ZDHHC2: variants seen among roughly 807,000 people sequenced by gnomAD.
ZDHHC2 encodes palmitoyltransferase ZDHHC2.
Under a neutral mutation model 55.6 loss-of-function variants are expected in ZDHHC2, and 51 were observed. That is an observed-to-expected ratio of 0.92 (90% CI 0.73 to 1.16). ZDHHC2 has a LOEUF of 1.16. ZDHHC2 is among the 50% of genes most tolerant of loss of function. The pLI is 0.00. For missense variants in ZDHHC2, 491 were observed against 442.4 expected, an observed-to-expected ratio of 1.11 and a Z score of -0.99; for synonymous variants, 199 against 152.9, an observed-to-expected ratio of 1.30 and a Z score of -2.22.
At chr8:17,174,082 T>C (rs1212194444) in intron 1 of ZDHHC2, among the ~76,000 whole-genome samples, 1 of 136,598 alleles carries the variant, frequency 7.3e-6, no homozygotes, top group African/African-American at 2.6e-5. Flanking sequence ...TCTATTCTTT[T>C]TCTTCTTCTT....
At chr8:17,193,434 T>G (rs1806139258) in intron 3 of ZDHHC2, among the ~76,000 whole-genome samples, 1 of 152,176 alleles carries the variant, frequency 6.6e-6, no homozygotes, top group Admixed American at 6.5e-5. Flanking sequence ...GGTGGAGGGG[T>G]GACATGGCAC....
intron 1 of ZDHHC2, among the ~76,000 whole-genome samples, chr8:17,173,868 G>A (rs1804990655): frequency 6.6e-6 from 1 of 151,942 alleles, no homozygotes; most frequent in African/African-American, 2.4e-5. Context: ...TTGGAGAAAG[G>A]GTCTTTAAAG....
chr8:17,195,809 C>G (rs1806278170), intron 4 of ZDHHC2, among the ~76,000 whole-genome samples, 185 bp downstream of exon 4: 1 of 152,196 alleles, frequency 6.6e-6, no homozygotes, highest in African/African-American at 2.4e-5. Flanking sequence ...ACGAATAGCA[C>G]TGTGGCACAG....
rs552687070 is a variant in ZDHHC2 at position 17,201,259 on chromosome 8, C to G, written c.476+2846C>G. Among the ~76,000 whole-genome samples the G allele has an allele frequency of 1.6e-4, 24 of 152,118 alleles. No individual in the cohort carries two copies. The South Asian group carries it at 3.9e-3, about 25-fold the overall frequency. On this transcript the variant is annotated intron_variant, in intron 6 of 12. Coordinates refer to ENST00000262096, the MANE Select transcript of ZDHHC2 (RefSeq NM_016353.5). ...TATGTGTGCATAGCCTATAAACCCC[C>G]TTGTTATTTATTTATTTATTTTTAG...
chr8:17,188,504 A>G (rs1411767932), intron 3 of ZDHHC2, among the ~76,000 whole-genome samples: 2 of 152,120 alleles, frequency 1.3e-5, no homozygotes, highest in East Asian at 3.9e-4. Flanking sequence ...CATGGAAATA[A>G]TATATTTATT....
intron 1 of ZDHHC2, chr8:17,162,969 T>C (rs1223302760): frequency 6.6e-6 from 1 of 152,240 alleles, no homozygotes; most frequent in African/African-American, 2.4e-5. Flanking sequence ...AGAGTAAGAT[T>C]TTAAGCAGCA....
chr8:17,200,618 T>C (rs1450726465), intron 6 of ZDHHC2, among the ~76,000 whole-genome samples: 2 of 152,190 alleles, frequency 1.3e-5, no homozygotes, highest in Non-Finnish European at 2.9e-5. Context: ...CTCACAAAAT[T>C]ACAAAAAGAG....
Position 17,220,535 on chromosome 8 carries a change from A to AT in ZDHHC2, c.*315dup. On this transcript the variant is annotated 3_prime_UTR_variant, in exon 13 of 13. Coordinates refer to ENST00000262096, the MANE Select transcript of ZDHHC2 (RefSeq NM_016353.5). Reference sequence around the variant, plus strand: ...TCCAAGGACCAGTTTTTACCCAAATATATGGGTAGCACAGTTTATCACATA... The same window carrying AT: ...TCCAAGGACCAGTTTTTACCCAAATATTATGGGTAGCACAGTTTATCACATA... 6.6e-6 allele frequency: 1 copy of AT among 152,216 alleles called. No individual in the cohort carries two copies. The highest frequency in any genetic ancestry group is 1.9e-4 in the East Asian group (1 of 5,200). 9.4% of individuals were successfully genotyped at this position (152,216 alleles called of 1,614,324 possible).
intron 6 of ZDHHC2, among the ~76,000 whole-genome samples, chr8:17,203,590 A>G (rs143246473): frequency 6.6e-6 from 1 of 152,142 alleles, no homozygotes; most frequent in African/African-American, 2.4e-5. Flanking sequence ...TTCCCCTTGA[A>G]ACCAACATAA....
intron 1 of ZDHHC2, among the ~76,000 whole-genome samples, chr8:17,172,565 A>G (rs1250422318): frequency 6.6e-6 from 1 of 152,192 alleles, no homozygotes; most frequent in Non-Finnish European, 1.5e-5. Context: ...CAGTTATTTC[A>G]GAGAGTAGAT....
At chr8:17,208,955 C>A (rs1383289986) in intron 8 of ZDHHC2, among the ~76,000 whole-genome samples, 1 of 152,132 alleles carries the variant, frequency 6.6e-6, no homozygotes, top group Non-Finnish European at 1.5e-5. Flanking sequence ...AAGGATCTTG[C>A]AAATGACCAC....
At chr8:17,211,016 A>C (rs1807358972) in intron 10 of ZDHHC2, among the ~76,000 whole-genome samples, 1 of 152,180 alleles carries the variant, frequency 6.6e-6, no homozygotes, top group East Asian at 1.9e-4. Flanking sequence ...CCAGAGTCTT[A>C]GAAATTCATT....
intron 1 of ZDHHC2, 32 bp downstream of exon 1, chr8:17,156,885 C>T (rs1388868601): frequency 2.7e-6 from 4 of 1,475,618 alleles, no homozygotes; most frequent in Admixed American, 2.3e-5. Flanking sequence ...GCGCCCCCAG[C>T]GCAGCGCAGC....
chr8:17,178,085 G>C (rs550946930), intron 1 of ZDHHC2, among the ~76,000 whole-genome samples: 1 of 152,092 alleles, frequency 6.6e-6, no homozygotes, highest in Non-Finnish European at 1.5e-5. Context: ...TGAAGGTGTA[G>C]TAGCACACAA....
chr8:17,220,390 C>T lies in ZDHHC2; in HGVS notation c.*169C>T, dbSNP rs918814491. 1 of 149,860 alleles carries T rather than the reference C, an allele frequency of 6.7e-6. No homozygotes were observed. Among genetic ancestry groups the T allele is most frequent in the Non-Finnish European group, 1.5e-5 (1 of 66,516 alleles). The allele number at this position is 149,860 out of a possible 1,614,324, so 9.3% of individuals were successfully genotyped here. A position where few individuals can be genotyped will look rare whatever the true frequency, so the allele number is the denominator to read the frequency against. On this transcript the variant is annotated 3_prime_UTR_variant, in exon 13 of 13. Transcript: ENST00000262096. ...CTCCAAGCCATTGCTTAAAATATAA[C>T]ATGTTTTGGATCCAATACACACATT...
chr8:17,166,117 T>G (rs1192642916), intron 1 of ZDHHC2, among the ~76,000 whole-genome samples: 1 of 152,156 alleles, frequency 6.6e-6, no homozygotes, highest in Non-Finnish European at 1.5e-5. Context: ...TGCAGGGTGT[T>G]GAGTCCAGAG....
In ZDHHC2 at chr8:17,202,734, T is replaced by TACACAC. The variant is rs61412744; in HGVS notation, c.477-2905_477-2900dup. 5.7e-4 allele frequency among the ~76,000 whole-genome samples: 85 copies of TACACAC among 149,660 alleles called. 1 individual carries two copies. Among genetic ancestry groups the TACACAC allele is most frequent in the African/African-American group, 2.0e-3 (82 of 40,568 alleles). On this transcript the variant is annotated intron_variant, in intron 6 of 12. Transcript: ENST00000262096. ...TATTTCTTCTAGTTATATATATATA[T>TACACAC]ACACACACACACACACACACATATA...
intron 6 of ZDHHC2, among the ~76,000 whole-genome samples, chr8:17,204,557 C>T (rs972917706): frequency 5.3e-5 from 8 of 152,094 alleles, no homozygotes; most frequent in African/African-American, 1.9e-4. Context: ...AAATCAAAAA[C>T]TTTGATAGAA....
chr8:17,207,423 ATTAT>A (rs1286634416), intron 7 of ZDHHC2, among the ~76,000 whole-genome samples: 2 of 152,164 alleles, frequency 1.3e-5, no homozygotes, highest in African/African-American at 4.8e-5. Context: ...CTGTGGTGCT[ATTAT>A]TTAAGATAGC....
Sources: gnomAD v4.1 joint callset for allele counts (sites outside exome capture counted in the v4.1 genomes callset) on GRCh38, gnomAD v4.1.1 for gene constraint, MANE v1.5 for transcripts, NCBI Gene and HGNC (gene_info 2026-07-23, HGNC 2026-07-21) for gene names.